GNE: variants seen among roughly 807,000 people sequenced by gnomAD.
The protein encoded by GNE is bifunctional UDP-N-acetylglucosamine 2-epimerase/N-acetylmannosamine kinase.
In GNE, 41 loss-of-function variants were observed where a neutral mutation model predicts 61.8. The ratio of observed to expected loss-of-function variants is 0.66; its 90% CI spans 0.52 to 0.86. The LOEUF is 0.86. Ranked by LOEUF, GNE falls within the 40% of genes least tolerant of loss-of-function variation. GNE has a pLI of 0.00. For synonymous variants in GNE, 264 were observed against 326.4 expected, an observed-to-expected ratio of 0.81 and a Z score of 2.06; for missense variants, 608 against 909.1, an observed-to-expected ratio of 0.67 and a Z score of 4.26.
intron 1 of GNE, among the ~76,000 whole-genome samples, chr9:36,269,662 TTC>T (rs1425951689): frequency 2.3e-5 from 2 of 85,464 alleles, no homozygotes; most frequent in African/African-American, 1.0e-4. Context: ...TCTTTCTTCT[TTC>T]TTTTTTTTTT....
At chr9:36,222,279 C>T (rs1358219316) in intron 9 of GNE, among the ~76,000 whole-genome samples, 6 of 151,798 alleles carry the variant, frequency 4.0e-5, no homozygotes, top group Non-Finnish European at 4.4e-5. Context: ...ATTAGCCGGG[C>T]GTAGTGGCGG....
chr9:36,243,906 G>T, intron 3 of GNE, among the ~76,000 whole-genome samples: 1 of 151,182 alleles, frequency 6.6e-6, no homozygotes, highest in Non-Finnish European at 1.5e-5. Context: ...AAATCTCTTT[G>T]CTTATTCAAT....
Position 36,217,334 on chromosome 9 carries a change from G to A in GNE, c.*31C>T. 2 of 1,416,950 alleles carry A rather than the reference G, an allele frequency of 1.4e-6. No homozygotes were observed. Among genetic ancestry groups the A allele is most frequent in the Non-Finnish European group, 1.0e-6 (1 of 1,003,546 alleles). The allele number at this position is 1,416,950 out of a possible 1,614,324, so 87.8% of individuals were successfully genotyped here. On this transcript the variant is annotated 3_prime_UTR_variant, in exon 12 of 12. Coordinates refer to ENST00000642385, the MANE Select transcript of GNE (RefSeq NM_005476.7). ...GAACTTGATTCCACTCAGGAGCTCT[G>A]GAGAGAAGGTCCATGTCTGTTCCTG... is the stretch of plus-strand genomic sequence containing the variant.
chr9:36,229,254 T>C (rs1260225584), intron 5 of GNE, 146 bp from the exon 6 acceptor site: 1 of 697,270 alleles, frequency 1.4e-6, no homozygotes, highest in East Asian at 2.7e-5. Context: ...ATTCAACTTT[T>C]CTACTTTATA....
intron 1 of GNE, among the ~76,000 whole-genome samples, chr9:36,251,643 A>T (rs2133135054): frequency 6.6e-6 from 1 of 152,204 alleles, no homozygotes; most frequent in Admixed American, 6.5e-5. Context: ...ATGGACTCTG[A>T]TCTCAATGTT....
Position 36,237,444 on chromosome 9 carries a change from T to A in GNE, c.617-460A>T, listed in dbSNP as rs186320478. On this transcript the variant is annotated intron_variant, in intron 3 of 11. Transcript: ENST00000642385. ...CTTTCCTGTACTATCACCTACCAGA[T>A]TCAACAAGTGGCAAGTGTTTCTAAC... Among the ~76,000 whole-genome samples, 300 of 152,320 alleles carry A rather than the reference T, an allele frequency of 2.0e-3. 2 individuals are homozygous for A. Among genetic ancestry groups the A allele is most frequent in the Non-Finnish European group, 1.0e-4 (7 of 68,028 alleles).
chr9:36,248,338 G>A (rs1488898427), intron 2 of GNE, among the ~76,000 whole-genome samples: 4 of 150,542 alleles, frequency 2.7e-5, no homozygotes, highest in Admixed American at 1.3e-4. Flanking sequence ...TTTTGAGACG[G>A]AGTCTCACTC....
At chr9:36,228,798 A>G (rs1205183325) in intron 6 of GNE, among the ~76,000 whole-genome samples, 4 of 151,202 alleles carry the variant, frequency 2.6e-5, no homozygotes, top group African/African-American at 7.3e-5. Flanking sequence ...CATCTCAAAA[A>G]AAAAAAAAAA....
chr9:36,225,234 T>C (rs931175656), intron 7 of GNE, among the ~76,000 whole-genome samples: 1 of 152,186 alleles, frequency 6.6e-6, no homozygotes, highest in Non-Finnish European at 1.5e-5. Context: ...TTAGGAGTTT[T>C]TGTTGTTGTT....
At chr9:36,266,000 G>A (rs1830768635) in intron 1 of GNE, among the ~76,000 whole-genome samples, 1 of 152,042 alleles carries the variant, frequency 6.6e-6, no homozygotes, top group African/African-American at 2.4e-5. Flanking sequence ...CGCAATCTTG[G>A]CTTCTTGGCT....
At chr9:36,267,116 T>C (rs954643870) in intron 1 of GNE, among the ~76,000 whole-genome samples, 3 of 152,220 alleles carry the variant, frequency 2.0e-5, no homozygotes, top group Admixed American at 6.5e-5. Flanking sequence ...TCCTAAACTG[T>C]ATCAGCTTAA....
chr9:36,265,641 C>T (rs965828096), intron 1 of GNE: 32 of 298,818 alleles, frequency 1.1e-4, no homozygotes, highest in South Asian at 7.6e-4. Flanking sequence ...TCTAGGGCAG[C>T]GGTCCCCAGT....
chr9:36,276,030 G>A (rs1053059384), intron 1 of GNE, among the ~76,000 whole-genome samples: 43 of 152,034 alleles, frequency 2.8e-4, no homozygotes, highest in African/African-American at 9.9e-4. Flanking sequence ...AAAGTTTGCC[G>A]GGTATGGTAG....
intron 5 of GNE, among the ~76,000 whole-genome samples, chr9:36,231,453 AAAAC>A (rs1046093333): frequency 2.4e-4 from 37 of 152,362 alleles, no homozygotes; most frequent in African/African-American, 6.5e-4. Context: ...AGACAAAAAC[AAAAC>A]AAACAAACAA....
At chr9:36,259,034 C>G (rs575192558), upstream of GNE, among the ~76,000 whole-genome samples, 1 of 152,138 alleles carries the variant, frequency 6.6e-6, no homozygotes, top group Non-Finnish European at 1.5e-5. Context: ...CAGGGAGAAA[C>G]GTGGCGGTGG....
chr9:36,223,564 T>C, intron 7 of GNE, 62 bp from the exon 8 acceptor site: 1 of 1,535,290 alleles, frequency 6.5e-7, no homozygotes, highest in Non-Finnish European at 9.0e-7. Flanking sequence ...ATTGTGAGTG[T>C]TGTGATCTTT....
intron 4 of GNE, 51 bp from the exon 5 acceptor site, chr9:36,234,183 C>T: frequency 2.1e-6 from 3 of 1,421,516 alleles, no homozygotes; most frequent in Non-Finnish European, 3.0e-6. Flanking sequence ...GATAAAGAAA[C>T]CATTTTCATT....
At position 36,217,707 on chromosome 9, in the gene GNE, C is replaced by T. The variant is rs555905472; in HGVS notation, c.1934-107G>A. On this transcript the variant is annotated intron_variant, in intron 11 of 11. Transcript: ENST00000642385. ...CAGCAGAAATGTTAAAGAACATCCA[C>T]GGCATGCAGTGGGAGGCAGTGTTTT... 41 of 743,504 alleles carry T rather than the reference C, an allele frequency of 5.5e-5. 3 individuals carry two copies. Among genetic ancestry groups the T allele is most frequent in the African/African-American group, 2.6e-4 (15 of 57,740 alleles). The allele number at this position is 743,504 out of a possible 1,614,324, so 46.1% of individuals were successfully genotyped here. A position where few individuals can be genotyped will look rare whatever the true frequency, so the allele number is the denominator to read the frequency against.
At chr9:36,243,928 TTC>T (rs1829753727) in intron 3 of GNE, among the ~76,000 whole-genome samples, 1 of 150,528 alleles carries the variant, frequency 6.6e-6, no homozygotes, top group Non-Finnish European at 1.5e-5. Flanking sequence ...TTCTTTTTCT[TTC>T]TGTGTTTTTT....
Sources: allele counts gnomAD v4.1 joint callset (sites outside exome capture counted in the v4.1 genomes callset), GRCh38; gene constraint gnomAD v4.1.1; transcripts MANE v1.5; gene names NCBI Gene and HGNC (gene_info 2026-07-23, HGNC 2026-07-21).